RERE: variants seen among roughly 807,000 people sequenced by gnomAD.
RERE encodes arginine-glutamic acid dipeptide repeats, also known as arginine-glutamic acid dipeptide repeats protein.
In RERE, 40 loss-of-function variants were observed where a neutral mutation model predicts 146.1. The ratio of observed to expected loss-of-function variants is 0.27; its 90% confidence interval spans 0.21 to 0.36. The LOEUF (loss-of-function observed/expected upper bound fraction) is 0.36. Among genes scored for constraint, RERE ranks in the 10% least tolerant of loss-of-function variants. RERE has a pLI of 1.00. For synonymous variants in RERE, 1,003 were observed against 866.0 expected (o/e 1.16, Z -2.78); for missense variants, 1,933 against 2,138.7 (o/e 0.90, Z 1.90).
intron 1 of RERE, among the ~76,000 whole-genome samples, chr1:8,791,719 CTTCTT>C (rs1358863404): frequency 6.6e-6 from 1 of 152,194 alleles, no homozygotes; most frequent in Non-Finnish European, 1.5e-5. Flanking sequence ...TCTGAAATCT[CTTCTT>C]TTCAAACTAA....
Position 8,739,547 on chromosome 1 carries a change from A to G in RERE, c.-145+77613T>C, listed in dbSNP as rs147279006. On this transcript the variant is annotated intron_variant, in intron 1 of 22. Coordinates refer to ENST00000400908, the MANE Select transcript of RERE (RefSeq NM_001042681.2). ...CTTTCCTCCTCAATGTCTCTCCAGCACCCTCTACTGACAAAACTAAACATC... is the reference window on the plus strand; with the variant it reads ...CTTTCCTCCTCAATGTCTCTCCAGCGCCCTCTACTGACAAAACTAAACATC... Among the ~76,000 whole-genome samples the G allele has an allele frequency of 2.0e-5, 3 of 152,268 alleles. No homozygotes were observed. In the East Asian group the frequency reaches 5.8e-4, roughly 29 times the overall value.
chr1:8,517,482 A>G (rs1283199148), intron 7 of RERE, among the ~76,000 whole-genome samples: 1 of 152,222 alleles, frequency 6.6e-6, no homozygotes, highest in Non-Finnish European at 1.5e-5. Flanking sequence ...AACCGAATTA[A>G]GAAGTGTCAC....
At chr1:8,799,673 C>A (rs977909509) in intron 1 of RERE, among the ~76,000 whole-genome samples, 1 of 151,938 alleles carries the variant, frequency 6.6e-6, no homozygotes, top group African/African-American at 2.4e-5. Flanking sequence ...TTGTCCAATC[C>A]GCAGCCCAGG....
chr1:8,443,459 GAAAAAAAA>G (rs144499944), intron 11 of RERE, among the ~76,000 whole-genome samples: 2 of 112,778 alleles, frequency 1.8e-5, no homozygotes, highest in African/African-American at 3.3e-5. Context: ...CTCAAAAAAA[GAAAAAAAA>G]AAAAAAAAAA....
At chr1:8,631,714 G>A (rs1327274934) in intron 2 of RERE, among the ~76,000 whole-genome samples, 2 of 152,186 alleles carry the variant, frequency 1.3e-5, no homozygotes, top group Non-Finnish European at 2.9e-5. Context: ...TCCCTATCAT[G>A]AAAGTGAGTT....
chr1:8,416,519 G>A (rs1403434172), intron 12 of RERE, among the ~76,000 whole-genome samples: 1 of 148,530 alleles, frequency 6.7e-6, no homozygotes, highest in Non-Finnish European at 1.5e-5. Context: ...CTGGGAGGCG[G>A]AGCTTGCAGT....
At chr1:8,474,407 T>C (rs1356866804) in intron 10 of RERE, among the ~76,000 whole-genome samples, 2 of 152,224 alleles carry the variant, frequency 1.3e-5, no homozygotes, top group African/African-American at 4.8e-5. Flanking sequence ...TTAATTTTTA[T>C]AAGATTGAAA....
intron 1 of RERE, among the ~76,000 whole-genome samples, chr1:8,681,641 T>C (rs1482198148): frequency 3.3e-5 from 5 of 152,182 alleles, no homozygotes; most frequent in African/African-American, 1.2e-4. Flanking sequence ...TGAGATTAGG[T>C]AACACTTTAA....
At chr1:8,494,739 G>A (rs529778027) in intron 10 of RERE, among the ~76,000 whole-genome samples, 43 of 152,278 alleles carry the variant, frequency 2.8e-4, no homozygotes, top group Middle Eastern at 3.4e-3. Context: ...AATAAAAATA[G>A]AACCTAGAGG....
rs79971991 is a variant in RERE, at chr1:8,367,405, C to T, written c.1285-1431G>A. Among the ~76,000 whole-genome samples, 371 of 152,262 alleles carry T rather than the reference C, an allele frequency of 2.4e-3. 1 individual carries two copies. Among genetic ancestry groups the T allele is most frequent in the African/African-American group, 8.3e-3 (346 of 41,536 alleles). On this transcript the variant is annotated intron_variant, in intron 12 of 22. Coordinates refer to ENST00000400908, the MANE Select transcript of RERE (RefSeq NM_001042681.2). ...GGCATTTTTGTAAGAAGTGGGACCA[C>T]GGCTGCGGTCCCTAAAGGAGGGCTG...
At position 8,354,428 on chromosome 1, in the gene RERE, T is replaced by TA. The variant is rs1641212104; in HGVS notation, c.*658dup. The TA allele has an allele frequency of 6.6e-6, 1 of 152,392 alleles. No individual in the cohort carries two copies. The highest frequency in any genetic ancestry group is 1.9e-4 in the East Asian group (1 of 5,208). 9.4% of individuals were successfully genotyped at this position (152,392 alleles called of 1,614,324 possible). On this transcript the variant is annotated 3_prime_UTR_variant, in exon 23 of 23. Transcript: ENST00000400908. ...GGGATAATTATATATAACTTTTTAT[T>TA]AAAAAATCAACTCTGTATTCTGTCA... is the stretch of plus-strand genomic sequence containing the variant.
intron 11 of RERE, among the ~76,000 whole-genome samples, chr1:8,436,330 TA>T (rs1280693210): frequency 6.6e-6 from 1 of 151,804 alleles, no homozygotes; most frequent in Admixed American, 6.6e-5. Flanking sequence ...AATAAATAAA[TA>T]AAAAATAAAT....
At chr1:8,592,714 T>G (rs1437340477) in intron 4 of RERE, among the ~76,000 whole-genome samples, 1 of 152,130 alleles carries the variant, frequency 6.6e-6, no homozygotes, top group African/African-American at 2.4e-5. Flanking sequence ...AGATCCCATC[T>G]CAAAAGAAAA....
chr1:8,516,617 C>G (rs1366816701), intron 7 of RERE, among the ~76,000 whole-genome samples: 1 of 152,152 alleles, frequency 6.6e-6, no homozygotes, highest in Non-Finnish European at 1.5e-5. Context: ...GTGGAGAAAT[C>G]AGGAATCCTA....
chr1:8,421,414 T>C (rs769193900), intron 12 of RERE, among the ~76,000 whole-genome samples: 22 of 152,362 alleles, frequency 1.4e-4, no homozygotes, highest in Non-Finnish European at 1.3e-4. Context: ...GTTGATTATA[T>C]AGATTGGCAT....
chr1:8,568,889 C>T (rs1646184313), intron 4 of RERE, among the ~76,000 whole-genome samples: 1 of 152,178 alleles, frequency 6.6e-6, no homozygotes, highest in African/African-American at 2.4e-5. Context: ...CCAATTGGTT[C>T]TGTCTCTCTG....
chr1:8,375,542 T>C (rs1265508930), intron 12 of RERE, among the ~76,000 whole-genome samples: 1 of 150,878 alleles, frequency 6.6e-6, no homozygotes, highest in East Asian at 1.9e-4. Context: ...CTGAAAATGC[T>C]TCCTCGCTCA....
At chr1:8,733,082 A>C (rs886427751) in intron 1 of RERE, among the ~76,000 whole-genome samples, 3 of 151,930 alleles carry the variant, frequency 2.0e-5, no homozygotes, top group East Asian at 1.9e-4. Context: ...CTGCCTCCCA[A>C]AGTGCTGGGA....
chr1:8,815,448 T>C (rs1013997374), intron 1 of RERE, among the ~76,000 whole-genome samples: 1 of 152,050 alleles, frequency 6.6e-6, no homozygotes, highest in African/African-American at 2.4e-5. Flanking sequence ...TCAGGGTCAA[T>C]GAGAAATACA....
Sources: allele counts gnomAD v4.1 joint callset (sites outside exome capture counted in the v4.1 genomes callset), GRCh38; gene constraint gnomAD v4.1.1; transcripts MANE v1.5; gene names NCBI Gene and HGNC (gene_info 2026-07-23, HGNC 2026-07-21).